ARHGEF4: variants seen among roughly 807,000 people sequenced by gnomAD.
ARHGEF4 encodes the protein Rho guanine nucleotide exchange factor 4.
In ARHGEF4, 119 loss-of-function variants were observed where a neutral mutation model predicts 162.0. The ratio of observed to expected loss-of-function variants is 0.73; its 90% CI spans 0.63 to 0.86. The LOEUF (loss-of-function observed/expected upper bound fraction) is 0.86, where lower values mean the gene tolerates loss of function less well. ARHGEF4 is among the 40% of genes least tolerant of loss of function. The pLI is 0.00. For missense variants in ARHGEF4, 2,488 were observed against 2,456.0 expected, an observed-to-expected ratio of 1.01 and a Z score of -0.28; for synonymous variants, 1,014 against 979.9, an observed-to-expected ratio of 1.03 and a Z score of -0.65.
chr2:130,946,469 T>A (rs371793921), intron 3 of ARHGEF4, 40 bp from the exon 4 acceptor site: 1 of 1,578,576 alleles, frequency 6.3e-7, no homozygotes, highest in Non-Finnish European at 8.6e-7. Context: ...CTGTCATTTC[T>A]TTTCTTCATT....
At position 130,993,884 on chromosome 2, in the gene ARHGEF4, A is replaced by C. The variant is rs1687212125; in HGVS notation, c.3986-34061A>C. Among the ~76,000 whole-genome samples, 5 of 152,114 alleles carry C rather than the reference A, an allele frequency of 3.3e-5. No homozygotes were observed. In the South Asian group the frequency reaches 1.0e-3, roughly 31 times the overall value. On this transcript the variant is annotated intron_variant, in intron 4 of 13. Transcript: ENST00000409359. Reference sequence around the variant, plus strand: ...CTGCAGCCTCTGCCTCCCAGGTTCAAGCAATTCTCCTGCCTCATCCCCCTG... The same window carrying C: ...CTGCAGCCTCTGCCTCCCAGGTTCACGCAATTCTCCTGCCTCATCCCCCTG...
Position 131,041,217 on chromosome 2 carries a change from C to T in ARHGEF4, c.4663-13C>T. 2 of 1,609,438 alleles carry T rather than the reference C, an allele frequency of 1.2e-6. No homozygotes were observed. The highest frequency in any genetic ancestry group is 1.7e-6 in the Non-Finnish European group (2 of 1,177,368). ...AGCAGAGAGCTCTGCTAACCTCCAG[C>T]TGTGCCCCTTAGCAAGCCGACTTCC... is the stretch of plus-strand genomic sequence containing the variant. On this transcript the variant is annotated splice_polypyrimidine_tract_variant and intron_variant, in intron 8 of 13. Coordinates refer to ENST00000409359, the MANE Select transcript of ARHGEF4 (RefSeq NM_001367493.1).
At chr2:130,902,680 G>A (rs1323670854) in intron 1 of ARHGEF4, among the ~76,000 whole-genome samples, 3 of 149,500 alleles carry the variant, frequency 2.0e-5, no homozygotes, top group African/African-American at 4.8e-5. Context: ...TTGGTAGCAC[G>A]CAAGCCCTGC....
intron 4 of ARHGEF4, among the ~76,000 whole-genome samples, chr2:130,963,272 C>T (rs1471158571): frequency 1.3e-5 from 2 of 152,104 alleles, no homozygotes; most frequent in Non-Finnish European, 2.9e-5. Context: ...GTCGCAGGCG[C>T]CCGGTGGTCC....
Position 130,930,884 on chromosome 2 carries a change from G to A in ARHGEF4, c.3553-68G>A, listed in dbSNP as rs561560644. 4.0e-5 allele frequency: 58 copies of A among 1,466,454 alleles called. No individual in the cohort carries two copies. The African/African-American group carries it at 7.3e-4, about 18-fold the overall frequency. 90.8% of individuals were successfully genotyped at this position (1,466,454 alleles called of 1,614,324 possible). A position where few individuals can be genotyped will look rare whatever the true frequency, so the allele number is the denominator to read the frequency against. On this transcript the variant is annotated intron_variant, in intron 2 of 13. Coordinates refer to ENST00000409359, the MANE Select transcript of ARHGEF4 (RefSeq NM_001367493.1). ...ACCCAAAAGGAACTAGGCAGAGGAA[G>A]GACAGCGTGTTCCCAGTTGATATGT... is the stretch of plus-strand genomic sequence containing the variant.
intron 4 of ARHGEF4, among the ~76,000 whole-genome samples, chr2:130,982,420 A>G (rs566993101): frequency 6.6e-6 from 1 of 152,260 alleles, no homozygotes; most frequent in East Asian, 1.9e-4. Context: ...AACTTTTTCA[A>G]CTTTCTATTT....
At chr2:130,853,086 A>T (rs945474280) in intron 1 of ARHGEF4, among the ~76,000 whole-genome samples, 6 of 152,140 alleles carry the variant, frequency 3.9e-5, no homozygotes, top group African/African-American at 1.4e-4. Flanking sequence ...TTTGGGTCCC[A>T]GGGGGCTGTT....
chr2:130,846,524 C>T (rs1680973894), intron 1 of ARHGEF4, among the ~76,000 whole-genome samples: 1 of 152,182 alleles, frequency 6.6e-6, no homozygotes, highest in African/African-American at 2.4e-5. Flanking sequence ...GGGCTGTGAC[C>T]CCTGCCGTGG....
At chr2:130,843,077 A>T (rs1436476661) in intron 1 of ARHGEF4, among the ~76,000 whole-genome samples, 2 of 152,078 alleles carry the variant, frequency 1.3e-5, no homozygotes, top group Non-Finnish European at 2.9e-5. Context: ...GGACGAGAGG[A>T]TATCTGCCTC....
chr2:131,009,963 T>G (rs1313592893), intron 4 of ARHGEF4, among the ~76,000 whole-genome samples: 1 of 152,210 alleles, frequency 6.6e-6, no homozygotes, highest in Non-Finnish European at 1.5e-5. Context: ...GGTTTTTGTT[T>G]TGTTTTGTTT....
At chr2:130,886,630 G>A (rs935515831) in intron 1 of ARHGEF4, among the ~76,000 whole-genome samples, 20 of 150,558 alleles carry the variant, frequency 1.3e-4, no homozygotes, top group Non-Finnish European at 2.4e-4. Context: ...GCAGTGAGCC[G>A]AGATCGCGCC....
rs1691261308 is a variant in ARHGEF4, at chr2:131,046,355, CTT to C, written c.*170_*171del. ...CGTGCCAGGTCTGTACTCCTGTTGT[CTT>C]TTTCCCTGCTCCTGGTGCCCTGAAG... On this transcript the variant is annotated 3_prime_UTR_variant, in exon 14 of 14. Coordinates refer to ENST00000409359, the MANE Select transcript of ARHGEF4 (RefSeq NM_001367493.1). The C allele has an allele frequency of 4.2e-6, 3 of 709,162 alleles. No homozygotes were observed. In the African/African-American group the frequency reaches 5.4e-5, roughly 13 times the overall value. The allele number at this position is 709,162 out of a possible 1,614,324, so 43.9% of individuals were successfully genotyped here.
chr2:130,935,248 G>A (rs1682873847), intron 3 of ARHGEF4, among the ~76,000 whole-genome samples: 1 of 151,846 alleles, frequency 6.6e-6, no homozygotes, highest in Non-Finnish European at 1.5e-5. Context: ...ATGTTGCCCA[G>A]GCTGGTCTCC....
rs373534611 is a variant in ARHGEF4 at position 130,915,850 on chromosome 2, C to G, written c.1904C>G (p.Ala635Gly). The G allele has an allele frequency of 3.0e-5, 47 of 1,541,474 alleles. No individual in the cohort carries two copies. The East Asian group carries it at 5.4e-4, about 18-fold the overall frequency. The change falls in exon 2 of 14, where the codon GCT becomes GGT. Residue 635 changes from alanine (A) to glycine (G), a missense_variant. Ala to Gly is a moderately conservative substitution (Grantham distance 60). This residue lies in a region of ARHGEF4 where 1,642 missense variants were observed against 1,481.5 expected (regional missense o/e 1.11). Coordinates refer to ENST00000409359, the MANE Select transcript of ARHGEF4 (RefSeq NM_001367493.1). ...SRGRGALIIVAVEQKGLQASR... is the reference protein window; with the variant it reads ...SRGRGALIIVGVEQKGLQASR... ...GGCAGGGGCGCCCTCATCATTGTAG[C>G]TGTGGAGCAGAAAGGTCTTCAGGCC...
At chr2:130,844,669 CCTGGGGCACCTTCA>C (rs1235055424) in intron 1 of ARHGEF4, among the ~76,000 whole-genome samples, 17 of 152,046 alleles carry the variant, frequency 1.1e-4, no homozygotes, top group Non-Finnish European at 2.5e-4. Context: ...AGCTCTGTGC[CCTGGGGCACCTTCA>C]TGTAACCCCT....
chr2:130,938,296 T>G (rs962156834), intron 3 of ARHGEF4, among the ~76,000 whole-genome samples: 9 of 152,246 alleles, frequency 5.9e-5, no homozygotes, highest in African/African-American at 1.9e-4. Flanking sequence ...CAGTAATGTT[T>G]GCATGATCCA....
Position 130,930,094 on chromosome 2 carries a change from T to C in ARHGEF4, c.3553-858T>C, listed in dbSNP as rs577712095. ...ATTTTTAGTAGAGACGAGGTTTCACTGTGTTAGCCAGGATAGTTTCAATCT... is the reference window on the plus strand; with the variant it reads ...ATTTTTAGTAGAGACGAGGTTTCACCGTGTTAGCCAGGATAGTTTCAATCT... On this transcript the variant is annotated intron_variant, in intron 2 of 13. Coordinates refer to ENST00000409359, the MANE Select transcript of ARHGEF4 (RefSeq NM_001367493.1). 3.9e-5 allele frequency among the ~76,000 whole-genome samples: 6 copies of C among 152,230 alleles called. No individual in the cohort carries two copies. In the East Asian group the frequency reaches 1.2e-3, roughly 29 times the overall value.
chr2:130,962,998 GAA>G (rs1684724399), intron 4 of ARHGEF4, among the ~76,000 whole-genome samples: 1 of 152,078 alleles, frequency 6.6e-6, no homozygotes, highest in Admixed American at 6.5e-5. Flanking sequence ...TAAGAACCTA[GAA>G]GAACCTGTGT....
chr2:131,021,039 T>C (rs1689092902), intron 4 of ARHGEF4, among the ~76,000 whole-genome samples: 1 of 152,204 alleles, frequency 6.6e-6, no homozygotes, highest in African/African-American at 2.4e-5. Context: ...TGGGGTTGTT[T>C]TTTTTCTTGT....
Sources: allele counts gnomAD v4.1 joint callset (sites outside exome capture counted in the v4.1 genomes callset), GRCh38; gene constraint gnomAD v4.1.1; regional missense constraint gnomAD v4.1.1; transcripts MANE v1.5; gene names NCBI Gene and HGNC (gene_info 2026-07-23, HGNC 2026-07-21).